The following NUP98 variants were observed in gnomAD, a reference collection of about 807,000 sequenced individuals.
NUP98 encodes the protein nucleoporin 98 and 96 precursor.
NUP98 carries 26 observed loss-of-function variants against 191.9 expected under a neutral mutation model. The observed-to-expected ratio is 0.14, with a 90% CI of 0.10 to 0.19. The LOEUF is 0.19. NUP98 is among the 10% of genes least tolerant of loss of function. NUP98 has a pLI of 1.00. For synonymous variants in NUP98, 808 were observed against 778.4 expected (o/e 1.04, Z -0.63); for missense variants, 1,941 against 2,178.8 (o/e 0.89, Z 2.17).
intron 10 of NUP98, among the ~76,000 whole-genome samples, chr11:3,754,515 A>C (rs1012781201): frequency 6.6e-6 from 1 of 152,178 alleles, no homozygotes; most frequent in Non-Finnish European, 1.5e-5. Context: ...ATTACTTACA[A>C]AACTTTCCAC....
At chr11:3,709,011 G>A (rs893157885) in intron 20 of NUP98, among the ~76,000 whole-genome samples, 12 of 152,136 alleles carry the variant, frequency 7.9e-5, no homozygotes, top group African/African-American at 2.7e-4. Flanking sequence ...AATGACTTGA[G>A]ATCTCTCAAA....
rs535107053 is a variant in NUP98 at position 3,681,007 on chromosome 11, C to T, written c.4919-1299G>A. ...TCCTGAGTAGCTGAAATTACAGGAA[C>T]ATAACACCATGCCTGGCCAATCACA... On this transcript the variant is annotated intron_variant, in intron 30 of 32. Coordinates refer to ENST00000324932, the MANE Select transcript of NUP98 (RefSeq NM_016320.5). Among the ~76,000 whole-genome samples, 34 of 152,180 alleles carry T rather than the reference C, an allele frequency of 2.2e-4. No individual in the cohort carries two copies. The South Asian group carries it at 2.7e-3, about 12-fold the overall frequency.
rs140087449 is a variant in NUP98, at chr11:3,752,245, C to T, written c.1267+1071G>A. The stretch of plus-strand genomic sequence containing the variant: ...TTAAGAAGGAAATGACAGCCAGGCA[C>T]GGTGGCTCACACCTGTAATCCCAGC... On this transcript the variant is annotated intron_variant, in intron 11 of 32. Transcript: ENST00000324932. 2.6e-3 allele frequency among the ~76,000 whole-genome samples: 401 copies of T among 151,686 alleles called. 2 individuals are homozygous for T. The highest frequency in any genetic ancestry group is 9.1e-3 in the African/African-American group (375 of 41,374).
Position 3,675,326 on chromosome 11 carries a change from G to C in NUP98, c.*833C>G, listed in dbSNP as rs1323714707. 1 of 218,988 alleles carries C rather than the reference G, an allele frequency of 4.6e-6. No individual in the cohort carries two copies. Among genetic ancestry groups the C allele is most frequent in the Non-Finnish European group, 9.2e-6 (1 of 108,934 alleles). The allele number at this position is 218,988 out of a possible 1,614,324, so 13.6% of individuals were successfully genotyped here. A position where few individuals can be genotyped will look rare whatever the true frequency, so the allele number is the denominator to read the frequency against. On this transcript the variant is annotated 3_prime_UTR_variant, in exon 33 of 33. Transcript: ENST00000324932. ...TCTGGAAGGGGTAGATGGAGGGTGGGAAATGCTTTGGAGCTAACATGGGAT... is the reference window on the plus strand; with the variant it reads ...TCTGGAAGGGGTAGATGGAGGGTGGCAAATGCTTTGGAGCTAACATGGGAT...
At chr11:3,682,682 G>A (rs768995428) in intron 30 of NUP98, among the ~76,000 whole-genome samples, 6 of 152,160 alleles carry the variant, frequency 3.9e-5, no homozygotes, top group Non-Finnish European at 7.3e-5. Flanking sequence ...TAATGAAAAA[G>A]TCTGAAATAA....
intron 1 of NUP98, 123 bp downstream of exon 1, chr11:3,797,277 G>A (rs1338880163): frequency 2.5e-6 from 1 of 397,238 alleles, no homozygotes; most frequent in East Asian, 3.6e-5. Flanking sequence ...CAGGCCAGAA[G>A]GTGCGCGCAG....
Position 3,778,975 on chromosome 11 carries a change from T to C in NUP98, c.253A>G (p.Thr85Ala), listed in dbSNP as rs79912970. 4,626 of 1,614,208 alleles carry C rather than the reference T, an allele frequency of 2.9e-3. 119 individuals carry two copies. In the African/African-American group the frequency reaches 0.053, roughly 19 times the overall value. The change falls in exon 4 of 33, where the codon ACA (threonine) becomes GCA (alanine). Residue 85 changes from threonine (T) to alanine (A), a missense_variant. By Grantham distance (58) the Thr-to-Ala change is moderately conservative. This residue lies in a region of NUP98 where 154 missense variants were observed against 182.9 expected (regional missense o/e 0.84). Transcript: ENST00000324932. ...CCAAACAAGGTATTTGCTGTTCCTG[T>C]TGACGTACCAAACCCAAAGCCAGTG... ...TSTGFGFGTSTGTANTLFGTA... is the reference protein window; with the variant it reads ...TSTGFGFGTSAGTANTLFGTA...
At position 3,679,384 on chromosome 11, in the gene NUP98, T is replaced by C. The variant is rs912919375; in HGVS notation, c.5073+170A>G. The C allele has an allele frequency of 4.9e-6, 4 of 808,912 alleles. No homozygotes were observed. In the African/African-American group the frequency reaches 6.7e-5, roughly 14 times the overall value. 50.1% of individuals were successfully genotyped at this position (808,912 alleles called of 1,614,324 possible). ...ATAAAATAGCATTTTTAAGTTTCGA[T>C]ATAGCTGTCAGAAACGGTTATATCA... On this transcript the variant is annotated intron_variant, in intron 31 of 32. Coordinates refer to ENST00000324932, the MANE Select transcript of NUP98 (RefSeq NM_016320.5).
chr11:3,779,022 C>A lies in NUP98; in HGVS notation c.206G>T (p.Ser69Ile). The change falls in exon 4 of 33, where the codon AGC (serine) becomes ATC (isoleucine). Residue 69 changes from serine to isoleucine, a missense_variant. By Grantham distance (142) the Ser-to-Ile change is moderately radical. This residue lies in a region of NUP98 where 154 missense variants were observed against 182.9 expected (regional missense o/e 0.84). Transcript: ENST00000324932. ...PGGLFGTSSFSQPATSTSTGF... is the reference protein window; with the variant it reads ...PGGLFGTSSFIQPATSTSTGF... ...AGTGCTTGTGGAGGTAGCTGGCTGG[C>A]TAAATGAACTGGTTCCAAACAATCC... 1 of 1,614,138 alleles carries A rather than the reference C, an allele frequency of 6.2e-7. No homozygotes were observed. The highest frequency in any genetic ancestry group is 8.5e-7 in the Non-Finnish European group (1 of 1,180,030).
chr11:3,701,334 ACTGCAAC>A (rs1157495736), intron 23 of NUP98, among the ~76,000 whole-genome samples: 2 of 136,750 alleles, frequency 1.5e-5, no homozygotes, highest in Non-Finnish European at 1.5e-5. Flanking sequence ...ATCTTGGCTT[ACTGCAAC>A]CTCTGCCTCC....
At chr11:3,754,413 ACT>A (rs1036064745) in intron 10 of NUP98, among the ~76,000 whole-genome samples, 6 of 152,150 alleles carry the variant, frequency 3.9e-5, no homozygotes, top group Non-Finnish European at 2.9e-5. Flanking sequence ...ATAGAGTGAG[ACT>A]CTGTTTCAAA....
chr11:3,711,610 AG>A (rs2079024663), intron 20 of NUP98: 1 of 165,112 alleles, frequency 6.1e-6, no homozygotes, highest in African/African-American at 2.4e-5. Context: ...ATAAAAAATT[AG>A]GAAAGAAGGA....
chr11:3,752,498 C>A (rs572124408), intron 11 of NUP98, among the ~76,000 whole-genome samples: 2 of 150,824 alleles, frequency 1.3e-5, no homozygotes, highest in African/African-American at 2.4e-5. Context: ...GCCTGAACGA[C>A]AGAGTGAGAC....
chr11:3,706,963 C>A (rs2078880389), intron 20 of NUP98, among the ~76,000 whole-genome samples: 2 of 152,192 alleles, frequency 1.3e-5, no homozygotes, highest in South Asian at 4.1e-4. Context: ...CTACAATTTT[C>A]TGATTTACAC....
chr11:3,755,678 A>G (rs930229110), intron 10 of NUP98, among the ~76,000 whole-genome samples: 1 of 152,110 alleles, frequency 6.6e-6, no homozygotes, highest in African/African-American at 2.4e-5. Flanking sequence ...AAATTCAAGC[A>G]AGCAGGCCGG....
intron 5 of NUP98, 60 bp downstream of exon 5, chr11:3,775,822 C>T (rs1421180482): frequency 6.5e-7 from 1 of 1,536,214 alleles, no homozygotes; most frequent in Non-Finnish European, 8.9e-7. Flanking sequence ...ACAATTCATC[C>T]TGCAAAGAAA....
intron 24 of NUP98, among the ~76,000 whole-genome samples, chr11:3,699,947 T>A (rs2078625399): frequency 6.6e-6 from 1 of 152,100 alleles, no homozygotes; most frequent in African/African-American, 2.4e-5. Flanking sequence ...AAAAACATGG[T>A]CATGATAGAT....
chr11:3,759,693 T>C (rs1364444999), intron 10 of NUP98, among the ~76,000 whole-genome samples: 2 of 152,180 alleles, frequency 1.3e-5, no homozygotes, highest in African/African-American at 4.8e-5. Context: ...AAAATTATTG[T>C]TCAATCTTTT....
intron 19 of NUP98, among the ~76,000 whole-genome samples, chr11:3,712,940 A>G (rs1248411855): frequency 1.3e-5 from 2 of 152,248 alleles, no homozygotes; most frequent in African/African-American, 4.8e-5. Context: ...GTAAATTAAT[A>G]AAGATTACAT....
Sources: gnomAD v4.1 joint callset for allele counts (sites outside exome capture counted in the v4.1 genomes callset) on GRCh38, gnomAD v4.1.1 for gene constraint, gnomAD v4.1.1 regional missense constraint, MANE v1.5 for transcripts, NCBI Gene and HGNC (gene_info 2026-07-23, HGNC 2026-07-21) for gene names.